BBOF1: variants seen among roughly 807,000 people sequenced by gnomAD.
The protein encoded by BBOF1 is basal body-orientation factor 1.
BBOF1 carries 62 observed loss-of-function variants against 68.0 expected under a neutral mutation model. That is an observed-to-expected ratio of 0.91 (90% CI 0.74 to 1.13). The LOEUF is 1.13. BBOF1 is among the 50% of genes most tolerant of loss of function. The pLI is 0.00. For missense variants in BBOF1, 534 were observed against 600.1 expected (o/e 0.89, Z 1.15); for synonymous variants, 208 against 198.8 (o/e 1.05, Z -0.39).
intron 3 of BBOF1, among the ~76,000 whole-genome samples, chr14:74,033,672 C>T (rs1420958508): frequency 6.6e-6 from 1 of 152,010 alleles, no homozygotes; most frequent in African/African-American, 2.4e-5. Context: ...GTCAGGAGAT[C>T]GAGACCATCC....
chr14:74,079,885 A>G (rs527730422), intron 10 of BBOF1, among the ~76,000 whole-genome samples: 97 of 152,130 alleles, frequency 6.4e-4, no homozygotes, highest in Non-Finnish European at 1.1e-3. Flanking sequence ...GATAATTTTA[A>G]AAATTAGTTG....
intron 4 of BBOF1, among the ~76,000 whole-genome samples, chr14:74,039,273 A>G (rs2059779404): frequency 6.6e-6 from 1 of 152,020 alleles, no homozygotes; most frequent in South Asian, 2.1e-4. Context: ...TTTCTATAAC[A>G]TTTTTTCAAT....
rs1491179160 is a variant in BBOF1 at position 74,021,925 on chromosome 14, A to AC, written c.57-991_57-990insC. On this transcript the variant is annotated intron_variant, in intron 1 of 11. Coordinates refer to ENST00000394009, the MANE Select transcript of BBOF1 (RefSeq NM_025057.3). ...CCGTCCCTCCCCCAGAAAAAAAAAA[A>AC]ACACACTCAAAAGTGGAGGGTAAAG... is the stretch of plus-strand genomic sequence containing the variant. Among the ~76,000 whole-genome samples, 14 of 152,178 alleles carry AC rather than the reference A, an allele frequency of 9.2e-5. No homozygotes were observed. In the East Asian group the frequency reaches 9.7e-4, roughly 11 times the overall value.
At chr14:74,078,483 A>G (rs1359723161) in intron 10 of BBOF1, 2 of 258,484 alleles carry the variant, frequency 7.7e-6, no homozygotes, top group East Asian at 2.3e-4. Flanking sequence ...CCTCCCAAAT[A>G]GCTGAGACCA....
rs1447963073 is a variant in BBOF1 at position 74,019,421 on chromosome 14, C to G, written c.-58C>G. 6.4e-6 allele frequency: 10 copies of G among 1,564,482 alleles called. No homozygotes were observed. The highest frequency in any genetic ancestry group is 8.7e-6 in the Non-Finnish European group (10 of 1,155,206). On this transcript the variant is annotated 5_prime_UTR_variant, in exon 1 of 12. Coordinates refer to ENST00000394009, the MANE Select transcript of BBOF1 (RefSeq NM_025057.3). Reference sequence around the variant, plus strand: ...CGTCCCGGTTCCCTTGGAGACAGAGCTGGCCAGGGCGGCCGCGGCTGGGCA... The same window carrying G: ...CGTCCCGGTTCCCTTGGAGACAGAGGTGGCCAGGGCGGCCGCGGCTGGGCA...
At chr14:74,073,053 G>A (rs563179494) in intron 9 of BBOF1, among the ~76,000 whole-genome samples, 2 of 152,282 alleles carry the variant, frequency 1.3e-5, no homozygotes, top group Non-Finnish European at 2.9e-5. Flanking sequence ...ACCCACCTCG[G>A]CCTCCCAAAG....
At chr14:74,076,714 T>C (rs2060617285) in intron 9 of BBOF1, among the ~76,000 whole-genome samples, 1 of 151,584 alleles carries the variant, frequency 6.6e-6, no homozygotes, top group South Asian at 2.1e-4. Context: ...TTTTATTTTA[T>C]TTTTTTTGTA....
chr14:74,032,684 G>A (rs866982742), intron 3 of BBOF1, among the ~76,000 whole-genome samples: 1 of 150,384 alleles, frequency 6.6e-6, no homozygotes, highest in Non-Finnish European at 1.5e-5. Flanking sequence ...AGTAGAAGTG[G>A]GGTTTCACAA....
rs775288209 is a variant in BBOF1, at chr14:74,055,704, A to G, written c.1388+19A>G. The G allele has an allele frequency of 5.9e-6, 9 of 1,534,024 alleles. No individual in the cohort carries two copies. Among genetic ancestry groups the G allele is most frequent in the Non-Finnish European group, 8.1e-6 (9 of 1,109,576 alleles). ...CTTCTAGGTAACTCCCTATTTCTGC[A>G]GTGAAATACCAAGTTGTTATCAAAT... On this transcript the variant is annotated intron_variant, in intron 9 of 11. Coordinates refer to ENST00000394009, the MANE Select transcript of BBOF1 (RefSeq NM_025057.3).
downstream of BBOF1, chr14:74,066,923 A>G (rs200271276): frequency 1.6e-4 from 247 of 1,590,230 alleles, no homozygotes; most frequent in African/African-American, 2.9e-3. Context: ...GGTCCTCATT[A>G]ACATAAATTA....
At chr14:74,038,240 T>TGTCA (rs1269318910) in intron 4 of BBOF1, among the ~76,000 whole-genome samples, 4 of 152,212 alleles carry the variant, frequency 2.6e-5, no homozygotes, top group Non-Finnish European at 5.9e-5. Context: ...ACATAAGGAA[T>TGTCA]GTCAACTTTT....
downstream of BBOF1, chr14:74,070,898 C>T: frequency 2.7e-6 from 1 of 370,986 alleles, no homozygotes; most frequent in Non-Finnish European, 5.0e-6. Context: ...AATTAAATAC[C>T]CTCATGTATT....
In BBOF1 at chr14:74,065,880, T is replaced by C. The variant is rs189562775; in HGVS notation, c.*1181T>C. The stretch of plus-strand genomic sequence containing the variant: ...CAGACACTCAAAACATCCTTCACCA[T>C]GCAATTAATGTTTGTTGCTGATAAA... On this transcript the variant is annotated 3_prime_UTR_variant, in exon 12 of 12. Coordinates refer to ENST00000394009, the MANE Select transcript of BBOF1 (RefSeq NM_025057.3). 1 of 162,908 alleles carries C rather than the reference T, an allele frequency of 6.1e-6. No homozygotes were observed. The highest frequency in any genetic ancestry group is 1.7e-4 in the East Asian group (1 of 5,716). The allele number at this position is 162,908 out of a possible 1,614,324, so 10.1% of individuals were successfully genotyped here.
intron 4 of BBOF1, among the ~76,000 whole-genome samples, chr14:74,035,506 T>C (rs1163005860): frequency 7.0e-6 from 1 of 142,640 alleles, no homozygotes; most frequent in Admixed American, 7.2e-5. Context: ...AACCTCTGCC[T>C]CCTGGGTTCA....
intron 6 of BBOF1, chr14:74,047,026 C>T (rs1315524079): frequency 1.3e-5 from 2 of 152,210 alleles, no homozygotes; most frequent in Admixed American, 1.3e-4. Flanking sequence ...CTGTACCAAG[C>T]CACATTTCTT....
chr14:74,078,905 T>C (rs371872336), intron 10 of BBOF1, among the ~76,000 whole-genome samples: 1 of 151,930 alleles, frequency 6.6e-6, no homozygotes, highest in East Asian at 1.9e-4. Context: ...CCTCAGGTGA[T>C]CTGACCATCT....
At chr14:74,081,943 G>A (rs1287982954) in intron 12 of BBOF1, among the ~76,000 whole-genome samples, 2 of 152,086 alleles carry the variant, frequency 1.3e-5, no homozygotes, top group Non-Finnish European at 2.9e-5. Context: ...GCAGCGGTTC[G>A]TGCCTGTAGT....
chr14:74,024,833 G>A (rs570088858), intron 2 of BBOF1, among the ~76,000 whole-genome samples: 10 of 152,146 alleles, frequency 6.6e-5, no homozygotes, highest in Non-Finnish European at 1.3e-4. Flanking sequence ...GAACTCCTGG[G>A]CTCAAGAAAT....
At chr14:74,057,578 C>T (rs747851338) in intron 11 of BBOF1, 76 of 1,330,018 alleles carry the variant, frequency 5.7e-5, no homozygotes, top group Non-Finnish European at 7.4e-5. Flanking sequence ...TCTTAGCTTT[C>T]CATCACAGGT....
Sources: allele counts gnomAD v4.1 joint callset (sites outside exome capture counted in the v4.1 genomes callset), GRCh38; gene constraint gnomAD v4.1.1; transcripts MANE v1.5; gene names NCBI Gene and HGNC (gene_info 2026-07-23, HGNC 2026-07-21).